Variants in VTI1A observed in about 807,000 individuals in gnomAD.
VTI1A encodes vesicle transport through interaction with t-SNAREs 1A.
VTI1A carries 22 observed loss-of-function variants against 34.9 expected under a neutral mutation model. That is an observed-to-expected ratio of 0.63 (90% CI 0.45 to 0.90). The LOEUF (loss-of-function observed/expected upper bound fraction) is 0.90. VTI1A is among the 40% of genes least tolerant of loss of function. The probability of loss-of-function intolerance (pLI) is 0.00; values close to 1 mark genes in which losing one functional copy is unlikely to be tolerated. For missense variants in VTI1A, 268 were observed against 275.6 expected (o/e 0.97, Z 0.20); for synonymous variants, 87 against 97.3 (o/e 0.89, Z 0.62).
intron 7 of VTI1A, among the ~76,000 whole-genome samples, chr10:112,784,679 T>G (rs1852230233): frequency 1.3e-5 from 2 of 152,172 alleles, no homozygotes; most frequent in Non-Finnish European, 2.9e-5. Context: ...ACAAAAGGCT[T>G]CATTCTTGTC....
At chr10:112,531,044 T>TG (rs1319451271) in intron 4 of VTI1A, among the ~76,000 whole-genome samples, 3 of 148,058 alleles carry the variant, frequency 2.0e-5, no homozygotes, top group African/African-American at 7.4e-5. Context: ...TCGGTAGTTC[T>TG]GGGGTCACGT....
At chr10:112,513,435 G>C (rs1849679017) in intron 3 of VTI1A, among the ~76,000 whole-genome samples, 1 of 151,662 alleles carries the variant, frequency 6.6e-6, no homozygotes, top group Non-Finnish European at 1.5e-5. Flanking sequence ...ACAGTTTTTT[G>C]GTGGCATCTT....
intron 5 of VTI1A, among the ~76,000 whole-genome samples, chr10:112,648,788 A>G (rs879882639): frequency 6.6e-5 from 10 of 152,168 alleles, no homozygotes; most frequent in Non-Finnish European, 1.2e-4. Context: ...GCTTTCAGAC[A>G]GAAGTTTCAT....
At chr10:112,718,402 A>G (rs1293081782) in intron 7 of VTI1A, among the ~76,000 whole-genome samples, 2 of 152,260 alleles carry the variant, frequency 1.3e-5, no homozygotes, top group East Asian at 3.8e-4. Context: ...AAGCATTAGC[A>G]TGTTCGTGGT....
At chr10:112,667,436 C>A (rs923630349) in intron 5 of VTI1A, among the ~76,000 whole-genome samples, 2 of 152,130 alleles carry the variant, frequency 1.3e-5, no homozygotes, top group African/African-American at 4.8e-5. Context: ...AAAGGGTCTA[C>A]GGCTGGAGAA....
At chr10:112,559,801 A>G (rs1440852470) in intron 5 of VTI1A, among the ~76,000 whole-genome samples, 3 of 152,224 alleles carry the variant, frequency 2.0e-5, no homozygotes, top group South Asian at 2.1e-4. Context: ...AAAAGCATTC[A>G]TGTACCCCAG....
At chr10:112,642,309 G>A (rs1315375378) in intron 5 of VTI1A, among the ~76,000 whole-genome samples, 1 of 151,964 alleles carries the variant, frequency 6.6e-6, no homozygotes, top group Non-Finnish European at 1.5e-5. Context: ...ATGCACTTTC[G>A]AGCAGCTGAG....
intron 1 of VTI1A, among the ~76,000 whole-genome samples, chr10:112,452,438 C>CA (rs2134014303): frequency 6.6e-6 from 1 of 151,996 alleles, no homozygotes; most frequent in Non-Finnish European, 1.5e-5. Context: ...TGTAGTGGCA[C>CA]GTGCCTCTAA....
At chr10:112,488,456 A>G (rs1848717668) in intron 3 of VTI1A, among the ~76,000 whole-genome samples, 1 of 152,200 alleles carries the variant, frequency 6.6e-6, no homozygotes, top group Non-Finnish European at 1.5e-5. Flanking sequence ...TGCCTCTGTT[A>G]TTCTTGGTTA....
chr10:112,605,367 G>A (rs1430668522), intron 5 of VTI1A, among the ~76,000 whole-genome samples: 1 of 152,236 alleles, frequency 6.6e-6, no homozygotes, highest in Non-Finnish European at 1.5e-5. Flanking sequence ...AGTCACCTAA[G>A]AGGTAGAGGA....
intron 7 of VTI1A, among the ~76,000 whole-genome samples, chr10:112,689,748 C>T (rs1848550885): frequency 6.6e-6 from 1 of 151,866 alleles, no homozygotes; most frequent in African/African-American, 2.4e-5. Context: ...TTGCTCTGCA[C>T]AGTTTTTTTT....
intron 7 of VTI1A, among the ~76,000 whole-genome samples, chr10:112,700,753 A>AT (rs1369383310): frequency 2.6e-5 from 4 of 152,226 alleles, no homozygotes; most frequent in African/African-American, 9.6e-5. Context: ...TTTGTGATTG[A>AT]TTTTTTAAAA....
At chr10:112,735,703 G>A (rs1018186055) in intron 7 of VTI1A, among the ~76,000 whole-genome samples, 5 of 152,076 alleles carry the variant, frequency 3.3e-5, no homozygotes, top group Admixed American at 6.5e-5. Context: ...TAATTGGTTA[G>A]AACACACAAA....
At chr10:112,698,047 A>G (rs529349945) in intron 7 of VTI1A, among the ~76,000 whole-genome samples, 6 of 152,336 alleles carry the variant, frequency 3.9e-5, no homozygotes, top group East Asian at 3.9e-4. Context: ...ATGGAAGCCT[A>G]CAGCAGCAAT....
chr10:112,528,480 T>C (rs1373235053), intron 4 of VTI1A, among the ~76,000 whole-genome samples: 1 of 151,552 alleles, frequency 6.6e-6, no homozygotes, highest in Non-Finnish European at 1.5e-5. Flanking sequence ...GCTTCCCTGA[T>C]TGAAATGTGA....
At chr10:112,649,255 C>T (rs993265442) in intron 5 of VTI1A, among the ~76,000 whole-genome samples, 1 of 152,104 alleles carries the variant, frequency 6.6e-6, no homozygotes, top group African/African-American at 2.4e-5. Context: ...TCTGCACAGC[C>T]AGTTTCTAGG....
intron 7 of VTI1A, among the ~76,000 whole-genome samples, chr10:112,778,160 A>G (rs920805974): frequency 4.6e-5 from 7 of 152,152 alleles, no homozygotes; most frequent in African/African-American, 1.7e-4. Context: ...AGCCTTATGG[A>G]GCTCACATTA....
At chr10:112,526,593 G>A (rs553890732) in intron 3 of VTI1A, among the ~76,000 whole-genome samples, 3 of 152,034 alleles carry the variant, frequency 2.0e-5, no homozygotes, top group Admixed American at 6.6e-5. Flanking sequence ...AAATATAGAC[G>A]TGCTATTCTA....
intron 5 of VTI1A, among the ~76,000 whole-genome samples, chr10:112,564,482 G>T (rs1326924539): frequency 6.6e-6 from 1 of 151,420 alleles, no homozygotes; most frequent in Non-Finnish European, 1.5e-5. Flanking sequence ...AGTTAAAACA[G>T]TTAAGTTGTA....
Sources: allele counts gnomAD v4.1 joint callset (sites outside exome capture counted in the v4.1 genomes callset), GRCh38; gene constraint gnomAD v4.1.1; transcripts MANE v1.5; gene names NCBI Gene and HGNC (gene_info 2026-07-23, HGNC 2026-07-21).